ANAPC7: variants seen among roughly 807,000 people sequenced by gnomAD.
ANAPC7 encodes the protein anaphase-promoting complex subunit 7.
A neutral mutation model predicts 63.3 loss-of-function variants in ANAPC7; 25 were observed. That is an observed-to-expected ratio of 0.39 (90% CI 0.29 to 0.55). ANAPC7 has a LOEUF of 0.55. Ranked by LOEUF, ANAPC7 falls within the 20% of genes least tolerant of loss-of-function variation. The probability of loss-of-function intolerance (pLI) is 0.57; values close to 1 mark genes in which losing one functional copy is unlikely to be tolerated. For missense variants in ANAPC7, 516 were observed against 691.7 expected (o/e 0.75, Z 2.85); for synonymous variants, 241 against 251.7 (o/e 0.96, Z 0.40).
At chr12:110,402,377 T>A (rs1386387674) in intron 1 of ANAPC7, among the ~76,000 whole-genome samples, 1 of 151,710 alleles carries the variant, frequency 6.6e-6, no homozygotes, top group Non-Finnish European at 1.5e-5. Flanking sequence ...TCGTCCAGGC[T>A]GGAGTGCAGT....
At position 110,398,908 on chromosome 12, in the gene ANAPC7, T is replaced by C. The variant is rs572573472; in HGVS notation, c.102-2456A>G. On this transcript the variant is annotated intron_variant, in intron 1 of 10. Transcript: ENST00000455511. ...TGCGGTGAGCCAAGATAGTGTGCCA[T>C]TGCACTCCAGCCTGGGCAACAAGAG... Among the ~76,000 whole-genome samples the C allele has an allele frequency of 1.5e-3, 227 of 151,828 alleles. 1 individual carries two copies. The highest frequency in any genetic ancestry group is 5.1e-3 in the African/African-American group (209 of 41,382).
chr12:110,377,327 G>A (rs1267772227), intron 9 of ANAPC7, 66 bp downstream of exon 9: 2 of 1,384,102 alleles, frequency 1.4e-6, no homozygotes, highest in East Asian at 2.3e-5. Context: ...GGGACAAGGG[G>A]CTCCAACTGA....
chr12:110,375,016 C>T (rs1408872805), intron 10 of ANAPC7, among the ~76,000 whole-genome samples: 2 of 152,140 alleles, frequency 1.3e-5, no homozygotes, highest in Admixed American at 6.6e-5. Flanking sequence ...AGCCAGCAGG[C>T]GTCCCACGCC....
intron 6 of ANAPC7, among the ~76,000 whole-genome samples, chr12:110,383,875 CAAAAAAAAAAAA>C (rs1159374781): frequency 4.9e-4 from 25 of 50,688 alleles, no homozygotes; most frequent in Admixed American, 2.5e-3. Flanking sequence ...GACTCCGTCT[CAAAAAAAAAAAA>C]AAAAAAAAAA....
intron 3 of ANAPC7, among the ~76,000 whole-genome samples, chr12:110,393,053 C>A (rs1391389268): frequency 6.6e-6 from 1 of 152,114 alleles, no homozygotes; most frequent in African/African-American, 2.4e-5. Context: ...CCTCGGCCTC[C>A]CAAAGTGCTG....
Position 110,396,249 on chromosome 12 carries a change from A to G in ANAPC7, c.288+17T>C. 2 of 1,585,458 alleles carry G rather than the reference A, an allele frequency of 1.3e-6. No individual in the cohort carries two copies. Among genetic ancestry groups the G allele is most frequent in the South Asian group, 1.2e-5 (1 of 85,312 alleles). ...TCAAAAAAAAAAAAAAAAAATCACA[A>G]TTCTATCTCCAATTACCTGACTTTG... is the stretch of plus-strand genomic sequence containing the variant. On this transcript the variant is annotated intron_variant, in intron 2 of 10. Transcript: ENST00000455511.
Position 110,383,959 on chromosome 12 carries a change from T to C in ANAPC7, c.818-999A>G, listed in dbSNP as rs1474188018. ...GGCTCATGCCTGTAATCCCAGCACT[T>C]TGGGAGGCTGAGGCAGGTGGATCAC... is the stretch of plus-strand genomic sequence containing the variant. On this transcript the variant is annotated intron_variant, in intron 6 of 10. Coordinates refer to ENST00000455511, the MANE Select transcript of ANAPC7 (RefSeq NM_016238.3). Among the ~76,000 whole-genome samples the C allele has an allele frequency of 2.7e-5, 4 of 150,448 alleles. No homozygotes were observed. In the East Asian group the frequency reaches 7.9e-4, roughly 30 times the overall value.
intron 8 of ANAPC7, among the ~76,000 whole-genome samples, chr12:110,381,326 G>GTTT (rs201458718): frequency 2.0e-5 from 3 of 151,288 alleles, no homozygotes; most frequent in Non-Finnish European, 4.4e-5. Flanking sequence ...CCCGGATGAT[G>GTTT]TTTTTTTGTT....
In ANAPC7 at chr12:110,395,136, G is replaced by A; in HGVS notation, c.373C>T (p.Leu125Phe). Residue 125 changes from leucine (L) to phenylalanine (F), a missense_variant, in exon 3 of 11, where the codon CTT (leucine) becomes TTT (phenylalanine). Physicochemically the swap from Leu to Phe is conservative, Grantham distance 22. Transcript: ENST00000455511. Reference protein sequence around the residue: ...LKQDKDAIAILDGIPSRQRTP... With the variant: ...LKQDKDAIAIFDGIPSRQRTP... Reference sequence around the variant, plus strand: ...CTTTGTCTTGAAGGGATCCCATCAAGTATAGCAATGGCATCTTTATCTTGT... The same window carrying A: ...CTTTGTCTTGAAGGGATCCCATCAAATATAGCAATGGCATCTTTATCTTGT... The A allele has an allele frequency of 1.9e-6, 3 of 1,613,840 alleles. No individual in the cohort carries two copies. The highest frequency in any genetic ancestry group is 2.5e-6 in the Non-Finnish European group (3 of 1,179,888).
chr12:110,377,040 G>A (rs1222788655), intron 9 of ANAPC7, among the ~76,000 whole-genome samples: 2 of 151,650 alleles, frequency 1.3e-5, no homozygotes, highest in African/African-American at 2.4e-5. Context: ...AGGAGGCTGA[G>A]GCAGAAGAAT....
In ANAPC7 at chr12:110,386,429, G is replaced by T; in HGVS notation, c.715C>A (p.Leu239Ile). 1 of 1,613,612 alleles carries T rather than the reference G, an allele frequency of 6.2e-7. No homozygotes were observed. Among genetic ancestry groups the T allele is most frequent in the Non-Finnish European group, 8.5e-7 (1 of 1,179,880 alleles). The change falls in exon 6 of 11, where the codon CTA (leucine) becomes ATA (isoleucine). Residue 239 changes from leucine to isoleucine, a missense_variant. By Grantham distance (5) the Leu-to-Ile change is conservative. Around this residue, in one of 4 missense-constraint regions of ANAPC7, gnomAD observed 199 missense variants for 249.3 expected, o/e 0.80. Coordinates refer to ENST00000455511, the MANE Select transcript of ANAPC7 (RefSeq NM_016238.3). ...KKSLLRDNVD[L>I]LGSLADLYFR... Reference sequence around the variant, plus strand: ...TACAGATCTGCCAAGCTTCCCAATAGGTCCACGTTATCTCGCAATAAGGAT... The same window carrying T: ...TACAGATCTGCCAAGCTTCCCAATATGTCCACGTTATCTCGCAATAAGGAT...
At chr12:110,382,466 A>ATATATATATATG (rs2137935566) in intron 7 of ANAPC7, among the ~76,000 whole-genome samples, 1 of 100,722 alleles carries the variant, frequency 9.9e-6, no homozygotes, top group African/African-American at 4.1e-5. Context: ...AAAAAAATAT[A>ATATATATATATG]TATATATATA....
intron 1 of ANAPC7, among the ~76,000 whole-genome samples, chr12:110,397,763 C>CGCA (rs1371402793): frequency 6.6e-6 from 1 of 151,594 alleles, no homozygotes; most frequent in Non-Finnish European, 1.5e-5. Flanking sequence ...GGTGTGGTGG[C>CGCA]GCATGCCTGT....
chr12:110,397,637 C>G (rs1032493929), intron 1 of ANAPC7, among the ~76,000 whole-genome samples: 3 of 151,828 alleles, frequency 2.0e-5, no homozygotes, highest in Non-Finnish European at 4.4e-5. Context: ...GTGGCTCATG[C>G]CTGTAATCCC....
At chr12:110,394,669 C>CAAAAAAAAAAAAAAAAAAAAAA (rs779142936) in intron 3 of ANAPC7, among the ~76,000 whole-genome samples, 3 of 42,776 alleles carry the variant, frequency 7.0e-5, no homozygotes, top group African/African-American at 3.2e-4. Context: ...AATTCCACCT[C>CAAAAAAAAAAAAAAAAAAAAAA]AAAAAAAAAA....
chr12:110,377,271 AC>A lies in ANAPC7; in HGVS notation c.1357+121del, dbSNP rs1300872273. ...TATAAACCAATCCAAGCAGGCTCAG[AC>A]CTGCTGCAAAAGGCACACACCTGTC... On this transcript the variant is annotated intron_variant, in intron 9 of 10. Coordinates refer to ENST00000455511, the MANE Select transcript of ANAPC7 (RefSeq NM_016238.3). 6 of 813,936 alleles carry A rather than the reference AC, an allele frequency of 7.4e-6. No individual in the cohort carries two copies. The African/African-American group carries it at 1.0e-4, about 14-fold the overall frequency. 50.4% of individuals were successfully genotyped at this position (813,936 alleles called of 1,614,324 possible). A position where few individuals can be genotyped will look rare whatever the true frequency, so the allele number is the denominator to read the frequency against.
In ANAPC7 at chr12:110,377,601, G is replaced by A; in HGVS notation, c.1149C>T (p.Tyr383=). ...CTTCTCGAATACTGTTGGAGGCTAA[G>A]TAACATTCGATAAGACCTGAAAAAA... ...LDCYEGLIEC[Y]LASNSIREAM... Residue 383 remains tyrosine (Y), a synonymous_variant, in exon 9 of 11, where the codon TAC becomes TAT. Transcript: ENST00000455511. The A allele has an allele frequency of 6.2e-7, 1 of 1,614,178 alleles. No individual in the cohort carries two copies.
At chr12:110,394,155 AAC>A (rs1883352300) in intron 3 of ANAPC7, among the ~76,000 whole-genome samples, 1 of 151,758 alleles carries the variant, frequency 6.6e-6, no homozygotes, top group Non-Finnish European at 1.5e-5. Flanking sequence ...CAGCCTGGGC[AAC>A]AGAGCAAGAC....
Position 110,382,952 on chromosome 12 carries a change from C to CA in ANAPC7, c.825dup (p.Val276CysfsTer16). On this transcript the variant is annotated frameshift_variant, in exon 7 of 11. Coordinates refer to ENST00000455511, the MANE Select transcript of ANAPC7 (RefSeq NM_016238.3). LOFTEE classifies it high-confidence loss of function. ...TCTCGTGCCAGTAGGTAGCCATATA[C>CA]ATCCATTCCTAGAAGAGAAGGACAT... 6.2e-7 allele frequency: 1 copy of CA among 1,612,750 alleles called. No individual in the cohort carries two copies. Among genetic ancestry groups the CA allele is most frequent in the Non-Finnish European group, 8.5e-7 (1 of 1,179,192 alleles).
Sources: allele counts gnomAD v4.1 joint callset (sites outside exome capture counted in the v4.1 genomes callset), GRCh38; gene constraint gnomAD v4.1.1; regional missense constraint gnomAD v4.1.1; transcripts MANE v1.5; gene names NCBI Gene and HGNC (gene_info 2026-07-23, HGNC 2026-07-21).